The following HERC5 variants were observed in gnomAD, a reference collection of about 807,000 sequenced individuals.
HERC5 encodes HECT and RLD domain containing E3 ubiquitin protein ligase 5, also known as E3 ISG15--protein ligase HERC5.
HERC5 carries 99 observed loss-of-function variants against 119.6 expected under a neutral mutation model. That is an observed-to-expected ratio of 0.83 (90% CI 0.70 to 0.98). The LOEUF is 0.98. HERC5 is among the 50% of genes least tolerant of loss of function. HERC5 has a pLI of 0.00. For synonymous variants in HERC5, 478 were observed against 445.9 expected, an observed-to-expected ratio of 1.07 and a Z score of -0.91; for missense variants, 1,267 against 1,241.3, an observed-to-expected ratio of 1.02 and a Z score of -0.31.
In HERC5 at chr4:88,462,196, T is replaced by G; in HGVS notation, c.528T>G (p.Phe176Leu). The change falls in exon 4 of 23, where the codon TTT becomes TTG. Residue 176 changes from phenylalanine (F) to leucine (L), a missense_variant. By Grantham distance (22) the Phe-to-Leu change is conservative. Coordinates refer to ENST00000264350, the MANE Select transcript of HERC5 (RefSeq NM_016323.4). ...LHGQLGVGRK[F>L]PSTTTPQIVE... is the part of the protein sequence containing the mutation. The stretch of plus-strand genomic sequence containing the variant: ...GGCAGCTTGGAGTTGGAAGGAAATT[T>G]CCCTCAACCACCACACCACAGATTG... The G allele has an allele frequency of 6.2e-7, 1 of 1,614,172 alleles. No individual in the cohort carries two copies. The highest frequency in any genetic ancestry group is 1.1e-5 in the South Asian group (1 of 91,058).
intron 13 of HERC5, among the ~76,000 whole-genome samples, chr4:88,481,423 T>C (rs796873923): frequency 5.9e-5 from 9 of 152,334 alleles, no homozygotes; most frequent in African/African-American, 2.2e-4. Context: ...GTCAATGATA[T>C]GTGTTGCAAA....
Position 88,505,999 on chromosome 4 carries a change from A to T in HERC5, c.*121A>T, listed in dbSNP as rs1419537740. ...TAGCAGCCTGAAGCCATGGTTTTTCATTTCTGTCTCTAGTGATAAGCAGGA... is the reference window on the plus strand; with the variant it reads ...TAGCAGCCTGAAGCCATGGTTTTTCTTTTCTGTCTCTAGTGATAAGCAGGA... On this transcript the variant is annotated 3_prime_UTR_variant, in exon 23 of 23. Transcript: ENST00000264350. 5.3e-6 allele frequency: 4 copies of T among 751,846 alleles called. No homozygotes were observed. The African/African-American group carries it at 7.1e-5, about 13-fold the overall frequency. The allele number at this position is 751,846 out of a possible 1,614,324, so 46.6% of individuals were successfully genotyped here.
In HERC5 at chr4:88,504,399, G is replaced by A; in HGVS notation, c.2750G>A (p.Trp917Ter). 6.2e-7 allele frequency: 1 copy of A among 1,600,222 alleles called. No homozygotes were observed. Among genetic ancestry groups the A allele is most frequent in the Non-Finnish European group, 8.5e-7 (1 of 1,170,522 alleles). The change falls in exon 21 of 23, where the codon TGG (tryptophan) becomes TAG (stop). Residue 917 changes from tryptophan to a stop codon, truncating the protein, a stop_gained. Transcript: ENST00000264350. LOFTEE classifies it high-confidence loss of function. ...DVIVGNTDYD[W>*]KTFEKNARYE... is the part of the protein sequence containing the mutation. ...ATTGTTGGAAATACAGATTATGATT[G>A]GAAAACATTTGAAAAGGTACATCAT...
At chr4:88,467,768 G>A in intron 7 of HERC5, 1 of 294,948 alleles carries the variant, frequency 3.4e-6, no homozygotes, top group Non-Finnish European at 5.0e-6. Flanking sequence ...GTCTGGAGTT[G>A]AACCCGTGCC....
chr4:88,505,343 C>G (rs1271318922), intron 22 of HERC5, among the ~76,000 whole-genome samples: 1 of 152,190 alleles, frequency 6.6e-6, no homozygotes, highest in African/African-American at 2.4e-5. Context: ...CAGCCTGGCT[C>G]TCTCTCCTTA....
intron 14 of HERC5, among the ~76,000 whole-genome samples, 194 bp from the exon 15 acceptor site, chr4:88,486,875 A>G (rs1381255162): frequency 6.6e-6 from 1 of 152,214 alleles, no homozygotes; most frequent in East Asian, 1.9e-4. Context: ...TGGGCACTAA[A>G]CATTCTCTTT....
rs1413720147 is a variant in HERC5, at chr4:88,500,980, T to A, written c.2577T>A (p.Thr859=). Residue 859 remains threonine, a synonymous_variant, in exon 20 of 23, where the codon ACT becomes ACA. Coordinates refer to ENST00000264350, the MANE Select transcript of HERC5 (RefSeq NM_016323.4). ...PNGSSITVNQ[T]NKRDYVSKYI... The stretch of plus-strand genomic sequence containing the variant: ...GAAGTAGCATAACTGTCAACCAGAC[T>A]AACAAGTAGGTACAAAAAATGAAAT... The A allele has an allele frequency of 1.9e-6, 3 of 1,606,668 alleles. No individual in the cohort carries two copies. In the South Asian group the frequency reaches 3.3e-5, roughly 18 times the overall value.
Position 88,457,252 on chromosome 4 carries a change from G to T in HERC5, c.-18G>T. 1 of 1,322,544 alleles carries T rather than the reference G, an allele frequency of 7.6e-7. No homozygotes were observed. The highest frequency in any genetic ancestry group is 4.1e-5 in the Admixed American group (1 of 24,610). 81.9% of individuals were successfully genotyped at this position (1,322,544 alleles called of 1,614,324 possible). A position where few individuals can be genotyped will look rare whatever the true frequency, so the allele number is the denominator to read the frequency against. Reference sequence around the variant, plus strand: ...TTCTCTCCTCTCGCCTCTGGGCCTGGGACCCCGCAAAGCGGCGATGGAGCG... The same window carrying T: ...TTCTCTCCTCTCGCCTCTGGGCCTGTGACCCCGCAAAGCGGCGATGGAGCG... On this transcript the variant is annotated 5_prime_UTR_variant, in exon 1 of 23. Transcript: ENST00000264350.
At chr4:88,493,276 GATA>G (rs1741702605) in intron 17 of HERC5, 121 bp downstream of exon 17, 2 of 809,112 alleles carry the variant, frequency 2.5e-6, no homozygotes, top group Non-Finnish European at 3.7e-6. Context: ...TAATTATGGA[GATA>G]ATGTATAATT....
At chr4:88,483,088 A>T (rs1741334128) in intron 13 of HERC5, among the ~76,000 whole-genome samples, 1 of 152,062 alleles carries the variant, frequency 6.6e-6, no homozygotes, top group Non-Finnish European at 1.5e-5. Context: ...TTCTAATATG[A>T]TGTTAAATAG....
At chr4:88,502,805 G>GT (rs1450938226) in intron 20 of HERC5, among the ~76,000 whole-genome samples, 3 of 151,418 alleles carry the variant, frequency 2.0e-5, no homozygotes, top group Non-Finnish European at 4.4e-5. Flanking sequence ...CTTATTGGCT[G>GT]TTTGGATATC....
intron 11 of HERC5, among the ~76,000 whole-genome samples, chr4:88,475,552 T>G (rs1169080295): frequency 6.6e-6 from 1 of 152,054 alleles, no homozygotes; most frequent in Non-Finnish European, 1.5e-5. Flanking sequence ...CTCCTGACCT[T>G]GTGATCTGCC....
intron 4 of HERC5, 55 bp from the exon 5 acceptor site, chr4:88,463,477 C>T (rs1388206692): frequency 1.4e-5 from 17 of 1,190,270 alleles, no homozygotes; most frequent in Non-Finnish European, 1.9e-5. Context: ...GGTAACTCCA[C>T]TGTGAAACTC....
At chr4:88,475,570 G>A (rs1334042771) in intron 11 of HERC5, among the ~76,000 whole-genome samples, 1 of 152,052 alleles carries the variant, frequency 6.6e-6, no homozygotes, top group East Asian at 1.9e-4. Context: ...GCCTGCCTCG[G>A]CCTCCCAAAG....
At chr4:88,466,919 T>G in intron 6 of HERC5, 140 bp from the exon 7 acceptor site, 1 of 841,286 alleles carries the variant, frequency 1.2e-6, no homozygotes, top group Non-Finnish European at 1.8e-6. Context: ...ATTTCTTGGT[T>G]TCCAGATGAT....
chr4:88,496,306 A>G (rs997121056), intron 18 of HERC5, among the ~76,000 whole-genome samples: 1 of 152,192 alleles, frequency 6.6e-6, no homozygotes, highest in Non-Finnish European at 1.5e-5. Flanking sequence ...ACCTGGTTCT[A>G]AAATTTATAT....
intron 15 of HERC5, among the ~76,000 whole-genome samples, chr4:88,488,446 G>C (rs1345834456): frequency 1.3e-5 from 2 of 151,960 alleles, no homozygotes; most frequent in Non-Finnish European, 2.9e-5. Context: ...TGGCCAGGCT[G>C]GTCTCAAACT....
intron 6 of HERC5, among the ~76,000 whole-genome samples, chr4:88,466,608 G>A (rs1740677776): frequency 6.6e-6 from 1 of 152,188 alleles, no homozygotes; most frequent in South Asian, 2.1e-4. Flanking sequence ...ACCTCTCTGG[G>A]CAAGGCAGAT....
At chr4:88,502,637 C>CT (rs1300040270) in intron 20 of HERC5, among the ~76,000 whole-genome samples, 1 of 152,298 alleles carries the variant, frequency 6.6e-6, no homozygotes, top group East Asian at 1.9e-4. Context: ...TGGAGGCACA[C>CT]TTTCATCAGT....
Sources: gnomAD v4.1 joint callset for allele counts (sites outside exome capture counted in the v4.1 genomes callset) on GRCh38, gnomAD v4.1.1 for gene constraint, MANE v1.5 for transcripts, NCBI Gene and HGNC (gene_info 2026-07-23, HGNC 2026-07-21) for gene names.